NOTUM: variants seen among roughly 807,000 people sequenced by gnomAD.
NOTUM encodes palmitoleoyl-protein carboxylesterase NOTUM.
NOTUM carries 36 observed loss-of-function variants against 65.5 expected under a neutral mutation model. The ratio of observed to expected loss-of-function variants is 0.55; its 90% confidence interval spans 0.42 to 0.73. The LOEUF (loss-of-function observed/expected upper bound fraction) is 0.73. Ranked by LOEUF, NOTUM falls within the 30% of genes least tolerant of loss-of-function variation. The pLI is 0.00. For missense variants in NOTUM, 659 were observed against 694.2 expected (o/e 0.95, Z 0.57); for synonymous variants, 356 against 297.9 (o/e 1.20, Z -2.01).
chr17:81,955,900 A>C (rs1276164375), intron 8 of NOTUM, among the ~76,000 whole-genome samples: 3 of 78,136 alleles, frequency 3.8e-5, no homozygotes, highest in African/African-American at 1.1e-4. Context: ...AGAGCTCAGC[A>C]CCCCCAGGTC....
In NOTUM at chr17:81,954,319, C is replaced by T. The variant is rs1567937507; in HGVS notation, c.1137-16G>A. ...AAAGCTGGCCCTGTTGGAGAGGAGA[C>T]AGTGGCTTGTGAGCTCCTTACCCCC... is the stretch of plus-strand genomic sequence containing the variant. On this transcript the variant is annotated splice_polypyrimidine_tract_variant and intron_variant, in intron 9 of 10. Coordinates refer to ENST00000409678, the MANE Select transcript of NOTUM (RefSeq NM_178493.6). 1 of 1,607,658 alleles carries T rather than the reference C, an allele frequency of 6.2e-7. No homozygotes were observed. The highest frequency in any genetic ancestry group is 8.5e-7 in the Non-Finnish European group (1 of 1,174,418).
At position 81,958,923 on chromosome 17, in the gene NOTUM, G is replaced by A. The variant is rs778176031; in HGVS notation, c.533+12C>T. 6.2e-7 allele frequency: 1 copy of A among 1,608,280 alleles called. No homozygotes were observed. Among genetic ancestry groups the A allele is most frequent in the Admixed American group, 1.7e-5 (1 of 60,006 alleles). On this transcript the variant is annotated intron_variant, in intron 4 of 10. Coordinates refer to ENST00000409678, the MANE Select transcript of NOTUM (RefSeq NM_178493.6). ...AGGCAGGACTCCCAGGCAAGACCCT[G>A]TGCCCCCTTACACCATGTTTGCGTT...
intron 6 of NOTUM, among the ~76,000 whole-genome samples, chr17:81,957,566 C>A (rs34725780): frequency 0.46 from 69,540 of 151,796 alleles, 16,677 homozygotes; most frequent in Non-Finnish European, 0.53. Context: ...ACAACCATGG[C>A]GTCCAGAAGC....
intron 4 of NOTUM, 107 bp downstream of exon 4, chr17:81,958,828 G>C (rs904884034): frequency 1.2e-6 from 1 of 832,978 alleles, no homozygotes; most frequent in Non-Finnish European, 2.0e-6. Flanking sequence ...ATCCAGAACA[G>C]GACCCCCAGG....
chr17:81,956,591 A>C (rs1169599418), intron 8 of NOTUM, 59 bp downstream of exon 8: 4 of 1,195,160 alleles, frequency 3.3e-6, no homozygotes, highest in Non-Finnish European at 4.9e-6. Flanking sequence ...GGATTTTCAG[A>C]AGCAAGGAAG....
rs891014122 is a variant in NOTUM at position 81,960,363 on chromosome 17, C to T, written c.323+224G>A. Among the ~76,000 whole-genome samples, 5 of 152,334 alleles carry T rather than the reference C, an allele frequency of 3.3e-5. No individual in the cohort carries two copies. The highest frequency in any genetic ancestry group is 9.6e-5 in the African/African-American group (4 of 41,584). ...CCAGCAGAGCGGCTGGGCCCAGAGG[C>T]CGAGGGGTCAGTGCCCGAGCTGGCC... On this transcript the variant is annotated intron_variant, in intron 1 of 10. Coordinates refer to ENST00000409678, the MANE Select transcript of NOTUM (RefSeq NM_178493.6). This position sits in a 1 kb window ranked among gnomAD's most constrained non-coding sequence, Gnocchi z 6.4.
At chr17:81,958,552 G>C (rs936549450) in intron 4 of NOTUM, among the ~76,000 whole-genome samples, 159 bp from the exon 5 acceptor site, 1 of 151,544 alleles carries the variant, frequency 6.6e-6, no homozygotes, top group Non-Finnish European at 1.5e-5. Context: ...AAGACCTCCA[G>C]CGTAATACTC....
chr17:81,959,429 G>T, intron 3 of NOTUM, 42 bp downstream of exon 3: 2 of 1,456,818 alleles, frequency 1.4e-6, no homozygotes, highest in South Asian at 1.2e-5. Context: ...GCTTCCTCCC[G>T]GGCCTCACGT....
At chr17:81,955,078 C>G (rs535824385) in intron 9 of NOTUM, among the ~76,000 whole-genome samples, 4 of 152,228 alleles carry the variant, frequency 2.6e-5, no homozygotes, top group African/African-American at 9.6e-5. Flanking sequence ...CCTCCCAGTT[C>G]AAGTGATTCT....
At chr17:81,958,481 G>T in intron 4 of NOTUM, 88 bp from the exon 5 acceptor site, 1 of 860,438 alleles carries the variant, frequency 1.2e-6, no homozygotes, top group Non-Finnish European at 2.0e-6. Flanking sequence ...CCTCAGAAAA[G>T]ACCATCCCAG....
chr17:81,953,877 G>A (rs2041407657), intron 10 of NOTUM, among the ~76,000 whole-genome samples: 1 of 151,680 alleles, frequency 6.6e-6, no homozygotes. Context: ...TGTCTCCCAG[G>A]TTCAAGCGAT....
chr17:81,953,672 C>G (rs1486802747), intron 10 of NOTUM, among the ~76,000 whole-genome samples: 3 of 152,056 alleles, frequency 2.0e-5, no homozygotes, highest in African/African-American at 7.2e-5. Flanking sequence ...GGTGTGATCA[C>G]TGCTCACTGC....
At chr17:81,953,578 G>A (rs931111310) in intron 10 of NOTUM, among the ~76,000 whole-genome samples, 6 of 152,086 alleles carry the variant, frequency 3.9e-5, no homozygotes, top group African/African-American at 1.4e-4. Flanking sequence ...ACAGGCGTGA[G>A]CCACCGTATC....
Position 81,958,306 on chromosome 17 carries a change from T to A in NOTUM, c.592+29A>T, listed in dbSNP as rs150545905. 121 of 1,537,862 alleles carry A rather than the reference T, an allele frequency of 7.9e-5. 1 individual carries two copies. The African/African-American group carries it at 1.5e-3, about 20-fold the overall frequency. ...CTGCCATCCGGCCCCGTCCCTGCCC[T>A]GCCATGCCCTGGGAAGGCCGAGACT... On this transcript the variant is annotated intron_variant, in intron 5 of 10. Transcript: ENST00000409678.
chr17:81,959,465 G>T lies in NOTUM; in HGVS notation c.472+6C>A, dbSNP rs1006865228. ...CGAGACGCCTTCCCCAGGGCCCGCCGCTGACCTGTGCGAGTGCGCGGCCAG... is the reference window on the plus strand; with the variant it reads ...CGAGACGCCTTCCCCAGGGCCCGCCTCTGACCTGTGCGAGTGCGCGGCCAG... On this transcript the variant is annotated splice_donor_region_variant and intron_variant, in intron 3 of 10. Coordinates refer to ENST00000409678, the MANE Select transcript of NOTUM (RefSeq NM_178493.6). 6 of 1,544,410 alleles carry T rather than the reference G, an allele frequency of 3.9e-6. No individual in the cohort carries two copies. The highest frequency in any genetic ancestry group is 5.2e-6 in the Non-Finnish European group (6 of 1,144,570).
rs773273348 is a variant in NOTUM at position 81,954,270 on chromosome 17, C to T, written c.1170G>A (p.Glu390=). Reference sequence around the variant, plus strand: ...GGGACACTGACCTCCGGATGATGATCTCATGGGAGAGGCAGGCGGGGGCAA... The same window carrying T: ...GGGACACTGACCTCCGGATGATGATTTCATGGGAGAGGCAGGCGGGGGCAA... ...ASFAPACLSH[E]IIIRSHWTDV... is the part of the protein sequence containing the mutation. Residue 390 remains glutamate (E), a synonymous_variant, in exon 10 of 11, where the codon GAG becomes GAA. Coordinates refer to ENST00000409678, the MANE Select transcript of NOTUM (RefSeq NM_178493.6). The T allele has an allele frequency of 1.2e-5, 19 of 1,613,102 alleles. No individual in the cohort carries two copies. In the Admixed American group the frequency reaches 3.0e-4, roughly 25 times the overall value.
In NOTUM at chr17:81,955,653, C is replaced by T. The variant is rs1177271457; in HGVS notation, c.989-109G>A. 22 of 993,928 alleles carry T rather than the reference C, an allele frequency of 2.2e-5. No homozygotes were observed. In the African/African-American group the frequency reaches 2.2e-4, roughly 10 times the overall value. The allele number at this position is 993,928 out of a possible 1,614,324, so 61.6% of individuals were successfully genotyped here. ...CCCTGCAGTGCCCCCACCCCAGGCT[C>T]AGAGCTCAGCACCCCCAGGCCCCTG... On this transcript the variant is annotated intron_variant, in intron 8 of 10. Transcript: ENST00000409678.
In NOTUM at chr17:81,956,516, C is replaced by T. The variant is rs368596733; in HGVS notation, c.988+134G>A. ...AGCCGGCCTCCTCCCTGGTACACAG[C>T]CGGACTCCTCCCTGGACCAGGGCCG... On this transcript the variant is annotated intron_variant, in intron 8 of 10. Coordinates refer to ENST00000409678, the MANE Select transcript of NOTUM (RefSeq NM_178493.6). 117 of 651,704 alleles carry T rather than the reference C, an allele frequency of 1.8e-4. No homozygotes were observed. The East Asian group carries it at 1.9e-3, about 10-fold the overall frequency. The allele number at this position is 651,704 out of a possible 1,614,324, so 40.4% of individuals were successfully genotyped here.
rs1013068999 is a variant in NOTUM, at chr17:81,960,694, G to A, written c.216C>T (p.Ser72=). 2.5e-6 allele frequency: 4 copies of A among 1,602,506 alleles called. No individual in the cohort carries two copies. Among genetic ancestry groups the A allele is most frequent in the African/African-American group, 2.7e-5 (2 of 74,744 alleles). The change falls in exon 1 of 11, where the codon AGC becomes AGT. Residue 72 remains serine (S), a synonymous_variant. Transcript: ENST00000409678. This position sits in a 1 kb window ranked among gnomAD's most constrained non-coding sequence, Gnocchi z 6.4. ...AGCAGGGGTACAGGGACTGCGCCAG[G>A]CTCTTGACTTGCGCCATGAAGCTGT... ...NMDSFMAQVK[S]LAQSLYPCSA...
Sources: allele counts gnomAD v4.1 joint callset (sites outside exome capture counted in the v4.1 genomes callset), GRCh38; gene constraint gnomAD v4.1.1; non-coding constraint Gnocchi (gnomAD v3.1); transcripts MANE v1.5; gene names NCBI Gene and HGNC (gene_info 2026-07-23, HGNC 2026-07-21).